THSD7A: variants seen among roughly 807,000 people sequenced by gnomAD.
THSD7A encodes thrombospondin type 1 domain containing 7A.
THSD7A carries 96 observed loss-of-function variants against 231.3 expected under a neutral mutation model. That is an observed-to-expected ratio of 0.41 (90% CI 0.35 to 0.49). The LOEUF (loss-of-function observed/expected upper bound fraction) is 0.49, where lower values mean the gene tolerates loss of function less well. Ranked by LOEUF, THSD7A falls within the 20% of genes least tolerant of loss-of-function variation. The pLI, the probability that THSD7A is intolerant of heterozygous loss-of-function variation, is 0.05. For missense variants in THSD7A, 2,290 were observed against 2,070.2 expected (o/e 1.11, Z -2.06); for synonymous variants, 940 against 743.3 (o/e 1.26, Z -4.30).
intron 1 of THSD7A, among the ~76,000 whole-genome samples, chr7:11,765,552 T>A (rs1440134647): frequency 6.6e-6 from 1 of 152,200 alleles, no homozygotes; most frequent in African/African-American, 2.4e-5. Flanking sequence ...ATGGTTTGTA[T>A]AATAATTTGT....
intron 13 of THSD7A, among the ~76,000 whole-genome samples, chr7:11,435,339 G>T (rs979439695): frequency 3.3e-5 from 5 of 151,980 alleles, no homozygotes; most frequent in African/African-American, 1.2e-4. Flanking sequence ...TATTCATGGT[G>T]GGCTCCTCAG....
intron 9 of THSD7A, among the ~76,000 whole-genome samples, 177 bp from the exon 10 acceptor site, chr7:11,462,320 C>G (rs1372541727): frequency 6.6e-6 from 1 of 152,108 alleles, no homozygotes; most frequent in Non-Finnish European, 1.5e-5. Flanking sequence ...TATCAAAAAC[C>G]CAATCAATTC....
intron 9 of THSD7A, among the ~76,000 whole-genome samples, chr7:11,468,614 A>G (rs1348823915): frequency 6.6e-6 from 1 of 152,108 alleles, no homozygotes; most frequent in Non-Finnish European, 1.5e-5. Context: ...TGGGTGGATC[A>G]CTTGAGGCCA....
chr7:11,744,911 A>G (rs1419066736), intron 1 of THSD7A, among the ~76,000 whole-genome samples: 4 of 152,096 alleles, frequency 2.6e-5, no homozygotes, highest in Non-Finnish European at 4.4e-5. Flanking sequence ...ACACATGTGC[A>G]TGTGTCTTTA....
At chr7:11,439,059 C>A (rs1372687815) in intron 13 of THSD7A, among the ~76,000 whole-genome samples, 2 of 151,860 alleles carry the variant, frequency 1.3e-5, no homozygotes, top group Non-Finnish European at 2.9e-5. Flanking sequence ...AATGTGGAAT[C>A]ATTTTTTTCA....
At chr7:11,700,369 C>T (rs1031266114) in intron 1 of THSD7A, among the ~76,000 whole-genome samples, 4 of 151,208 alleles carry the variant, frequency 2.6e-5, no homozygotes, top group African/African-American at 9.7e-5. Context: ...AAGGTTATAA[C>T]TTTTGAAAAG....
chr7:11,421,257 G>T (rs1308409702), intron 16 of THSD7A, among the ~76,000 whole-genome samples: 1 of 152,156 alleles, frequency 6.6e-6, no homozygotes. Flanking sequence ...TTGGATCATA[G>T]GGCAGATTTT....
intron 1 of THSD7A, among the ~76,000 whole-genome samples, chr7:11,660,357 T>G (rs1166793657): frequency 6.6e-6 from 1 of 151,468 alleles, no homozygotes. Context: ...AAAATTCAGG[T>G]TGATATAAAT....
At chr7:11,422,984 G>T (rs1784200693) in intron 16 of THSD7A, among the ~76,000 whole-genome samples, 2 of 151,852 alleles carry the variant, frequency 1.3e-5, no homozygotes, top group Admixed American at 1.3e-4. Context: ...CAACCAACCT[G>T]ATCAAATTCT....
intron 1 of THSD7A, among the ~76,000 whole-genome samples, chr7:11,670,278 T>C (rs1783329129): frequency 6.6e-6 from 1 of 152,146 alleles, no homozygotes; most frequent in Admixed American, 6.6e-5. Flanking sequence ...GTTTAACCTT[T>C]AGGTTCTGTG....
chr7:11,377,322 G>C lies in THSD7A; in HGVS notation c.4802-665C>G, dbSNP rs927137784. Among the ~76,000 whole-genome samples the C allele has an allele frequency of 2.0e-5, 3 of 151,600 alleles. No individual in the cohort carries two copies. Among genetic ancestry groups the C allele is most frequent in the African/African-American group, 7.3e-5 (3 of 41,294 alleles). ...ACATAACAGGAACTTTTGTAATTTG[G>C]GTTTCTGGTCTCATCTTTGAACTCC... is the stretch of plus-strand genomic sequence containing the variant. On this transcript the variant is annotated intron_variant, in intron 26 of 27. Transcript: ENST00000423059. The surrounding 1 kb of genome is among the most constrained non-coding windows in gnomAD (Gnocchi z 4.5).
At position 11,831,778 on chromosome 7, in the gene THSD7A, TG is replaced by T; in HGVS notation, c.168del (p.Thr57ProfsTer79). ...TTACCAGTCTTCCACAGATAGAGGG[TG>T]GGCGCCTCCGCCTCGCCCTGCGCCG... ...RAAAQGEAEA[P>X]TLYLWKTGPW... On this transcript the variant is annotated frameshift_variant, in exon 1 of 28. Coordinates refer to ENST00000423059, the MANE Select transcript of THSD7A (RefSeq NM_015204.3). LOFTEE classifies it high-confidence loss of function. The surrounding 1 kb of genome is among the most constrained non-coding windows in gnomAD (Gnocchi z 5.0). The T allele has an allele frequency of 6.8e-7, 1 of 1,480,128 alleles. No homozygotes were observed. The highest frequency in any genetic ancestry group is 1.4e-5 in the South Asian group (1 of 72,200). 91.7% of individuals were successfully genotyped at this position (1,480,128 alleles called of 1,614,324 possible).
chr7:11,572,828 T>A (rs769409105), intron 4 of THSD7A, among the ~76,000 whole-genome samples: 1 of 152,146 alleles, frequency 6.6e-6, no homozygotes, highest in Non-Finnish European at 1.5e-5. Flanking sequence ...CATGATACGT[T>A]TCTTCTGACT....
chr7:11,654,181 G>A (rs1165891077), intron 1 of THSD7A, among the ~76,000 whole-genome samples: 2 of 151,832 alleles, frequency 1.3e-5, no homozygotes, highest in Non-Finnish European at 2.9e-5. Flanking sequence ...ACACTTCCAA[G>A]TTTCTTAAGA....
intron 2 of THSD7A, among the ~76,000 whole-genome samples, chr7:11,630,160 T>A (rs945203201): frequency 6.6e-6 from 1 of 152,168 alleles, no homozygotes; most frequent in Admixed American, 6.5e-5. Context: ...TGGAAAGCAA[T>A]CCTAAAACAG....
intron 11 of THSD7A, among the ~76,000 whole-genome samples, chr7:11,450,289 T>A (rs929022252): frequency 6.6e-6 from 1 of 152,032 alleles, no homozygotes; most frequent in African/African-American, 2.4e-5. Flanking sequence ...ATACCTGCAC[T>A]ACATAAAATC....
At chr7:11,768,359 C>A (rs1026519874) in intron 1 of THSD7A, among the ~76,000 whole-genome samples, 1 of 152,272 alleles carries the variant, frequency 6.6e-6, no homozygotes, top group East Asian at 1.9e-4. Context: ...ATCATAGAGG[C>A]AATCACAAAC....
rs776566072 is a variant in THSD7A, at chr7:11,446,019, C to A, written c.3064+42G>T. The A allele has an allele frequency of 1.2e-6, 2 of 1,609,384 alleles. No individual in the cohort carries two copies. The highest frequency in any genetic ancestry group is 4.5e-5 in the East Asian group (2 of 44,830). On this transcript the variant is annotated intron_variant, in intron 13 of 27. Transcript: ENST00000423059. This position sits in a 1 kb window ranked among gnomAD's most constrained non-coding sequence, Gnocchi z 4.0. ...GATGCGTGTGCATTTTCCCTCCACA[C>A]TCCCGAAGATAGCAAATATGTAACA... is the stretch of plus-strand genomic sequence containing the variant.
chr7:11,782,988 CA>C (rs1276737780), intron 1 of THSD7A, among the ~76,000 whole-genome samples: 1 of 152,016 alleles, frequency 6.6e-6, no homozygotes, highest in Non-Finnish European at 1.5e-5. Context: ...GACTCTGCTA[CA>C]ATGATTTGAG....
Sources: allele counts gnomAD v4.1 joint callset (sites outside exome capture counted in the v4.1 genomes callset), GRCh38; gene constraint gnomAD v4.1.1; non-coding constraint Gnocchi (gnomAD v3.1); transcripts MANE v1.5; gene names NCBI Gene and HGNC (gene_info 2026-07-23, HGNC 2026-07-21).